The following ROBO1 variants were observed in gnomAD, a reference collection of about 807,000 sequenced individuals.
The protein encoded by ROBO1 is roundabout homolog 1.
In ROBO1, 149 loss-of-function variants were observed where a neutral mutation model predicts 195.9. The observed-to-expected ratio is 0.76, with a 90% confidence interval of 0.67 to 0.87. ROBO1 has a LOEUF of 0.87. ROBO1 is among the 40% of genes least tolerant of loss of function. The probability of loss-of-function intolerance (pLI) is 0.00; values close to 1 mark genes in which losing one functional copy is unlikely to be tolerated. For synonymous variants in ROBO1, 816 were observed against 733.2 expected (o/e 1.11, Z -1.82); for missense variants, 1,933 against 2,068.3 (o/e 0.93, Z 1.27).
intron 1 of ROBO1, among the ~76,000 whole-genome samples, chr3:79,728,071 C>G (rs1702992997): frequency 6.6e-6 from 1 of 152,080 alleles, no homozygotes; most frequent in Middle Eastern, 3.4e-3. Context: ...TGTCAGAAGG[C>G]ACACGACTGC....
intron 3 of ROBO1, among the ~76,000 whole-genome samples, chr3:79,012,176 A>G (rs1323797792): frequency 6.6e-6 from 1 of 152,252 alleles, no homozygotes; most frequent in Non-Finnish European, 1.5e-5. Flanking sequence ...CTTAACTGAA[A>G]GACTAACATG....
chr3:79,605,843 C>T (rs1944463551), intron 1 of ROBO1, among the ~76,000 whole-genome samples: 1 of 151,890 alleles, frequency 6.6e-6, no homozygotes, highest in Non-Finnish European at 1.5e-5. Context: ...TAACCAGTTC[C>T]TCCATTCCAT....
intron 2 of ROBO1, among the ~76,000 whole-genome samples, chr3:79,573,726 T>G (rs1349216906): frequency 2.0e-5 from 3 of 152,190 alleles, no homozygotes; most frequent in Non-Finnish European, 4.4e-5. Context: ...TTTTAATTTC[T>G]GCAGCCACCT....
intron 3 of ROBO1, among the ~76,000 whole-genome samples, chr3:79,103,369 T>G (rs2079714745): frequency 6.6e-6 from 1 of 151,856 alleles, no homozygotes; most frequent in African/African-American, 2.4e-5. Flanking sequence ...CATTATTGAC[T>G]GAGGCTTACT....
intron 2 of ROBO1, among the ~76,000 whole-genome samples, chr3:79,501,094 G>A (rs776151189): frequency 2.6e-5 from 4 of 152,126 alleles, no homozygotes; most frequent in Non-Finnish European, 5.9e-5. Flanking sequence ...GGCAAACCAT[G>A]GAGTGGACCT....
At chr3:79,236,799 G>T (rs1003232961) in intron 2 of ROBO1, among the ~76,000 whole-genome samples, 10 of 152,136 alleles carry the variant, frequency 6.6e-5, no homozygotes, top group African/African-American at 2.4e-4. Flanking sequence ...AAGATAGTGA[G>T]CATACAGTTT....
chr3:79,185,853 A>G (rs754330457), intron 2 of ROBO1, among the ~76,000 whole-genome samples: 1 of 152,150 alleles, frequency 6.6e-6, no homozygotes, highest in Non-Finnish European at 1.5e-5. Context: ...TTCAGATTAT[A>G]GAATTCATAA....
At chr3:79,026,792 C>T (rs1414420461) in intron 3 of ROBO1, among the ~76,000 whole-genome samples, 3 of 152,082 alleles carry the variant, frequency 2.0e-5, no homozygotes, top group African/African-American at 7.2e-5. Flanking sequence ...AGCTGAATGA[C>T]ACCCTCCATA....
chr3:79,392,288 A>G (rs2036983046), intron 2 of ROBO1, among the ~76,000 whole-genome samples: 1 of 152,216 alleles, frequency 6.6e-6, no homozygotes, highest in South Asian at 2.1e-4. Flanking sequence ...TCGAGAAAAC[A>G]TTTTGTGTAT....
intron 4 of ROBO1, among the ~76,000 whole-genome samples, chr3:78,864,843 A>C (rs2107054855): frequency 6.6e-6 from 1 of 152,270 alleles, no homozygotes; most frequent in South Asian, 2.1e-4. Flanking sequence ...GAGCAAGAAA[A>C]AAAGAAGTAT....
intron 3 of ROBO1, among the ~76,000 whole-genome samples, chr3:78,971,762 G>GTTTGT: frequency 6.7e-6 from 1 of 149,626 alleles, no homozygotes; most frequent in African/African-American, 2.4e-5. Flanking sequence ...TGTTGTTGTT[G>GTTTGT]TTGTTTGTTT....
At chr3:79,026,742 T>G (rs1157357780) in intron 3 of ROBO1, among the ~76,000 whole-genome samples, 1 of 152,068 alleles carries the variant, frequency 6.6e-6, no homozygotes, top group Non-Finnish European at 1.5e-5. Context: ...AATCATGATT[T>G]AAAATTCTCC....
At chr3:79,484,753 A>ATTTTTTTTTTTTTTTTTTTTTTTTTTTT (rs1402757273) in intron 2 of ROBO1, among the ~76,000 whole-genome samples, 6 of 17,690 alleles carry the variant, frequency 3.4e-4, no homozygotes, top group Non-Finnish European at 5.2e-4. Flanking sequence ...TCATTGCACT[A>ATTTTTTTTTTTTTTTTTTTTTTTTTTTT]TCTTTTTTTT....
intron 4 of ROBO1, among the ~76,000 whole-genome samples, chr3:78,819,548 A>G (rs543678332): frequency 3.2e-4 from 48 of 152,030 alleles, no homozygotes; most frequent in Non-Finnish European, 5.0e-4. Flanking sequence ...TAAACCTGTA[A>G]TATCAGCTGT....
intron 2 of ROBO1, among the ~76,000 whole-genome samples, chr3:79,563,484 T>G (rs1312685235): frequency 1.3e-5 from 2 of 152,192 alleles, no homozygotes; most frequent in Middle Eastern, 3.4e-3. Context: ...TTTACTATCT[T>G]CATTCAAAAA....
chr3:78,691,552 A>AG (rs1426337211), intron 8 of ROBO1, among the ~76,000 whole-genome samples: 1 of 152,214 alleles, frequency 6.6e-6, no homozygotes, highest in Non-Finnish European at 1.5e-5. Context: ...ACTGTTAAAC[A>AG]TAATGGTAAT....
chr3:78,897,586 T>C (rs1189382775), intron 4 of ROBO1, among the ~76,000 whole-genome samples: 1 of 152,092 alleles, frequency 6.6e-6, no homozygotes, highest in East Asian at 1.9e-4. Context: ...TTTGAGAGCA[T>C]AAAAGATTGC....
intron 2 of ROBO1, among the ~76,000 whole-genome samples, chr3:79,475,644 G>C (rs1938513351): frequency 6.6e-6 from 1 of 152,056 alleles, no homozygotes; most frequent in African/African-American, 2.4e-5. Flanking sequence ...GGTGACAGTA[G>C]TAAGGAGGAT....
intron 2 of ROBO1, among the ~76,000 whole-genome samples, chr3:79,256,724 AG>A (rs1371503923): frequency 9.2e-5 from 14 of 152,296 alleles, no homozygotes; most frequent in Non-Finnish European, 1.6e-4. Flanking sequence ...CTGTGATTAA[AG>A]AAAAAACTCA....
Sources: gnomAD v4.1 joint callset for allele counts (sites outside exome capture counted in the v4.1 genomes callset) on GRCh38, gnomAD v4.1.1 for gene constraint, MANE v1.5 for transcripts, NCBI Gene and HGNC (gene_info 2026-07-23, HGNC 2026-07-21) for gene names.